The following EXOC4 variants were observed in gnomAD, a reference collection of about 807,000 sequenced individuals.
The protein encoded by EXOC4 is SEC8-like 1.
Under a neutral mutation model 107.2 loss-of-function variants are expected in EXOC4, and 71 were observed. That is an observed-to-expected ratio of 0.66 (90% CI 0.55 to 0.81). The LOEUF (loss-of-function observed/expected upper bound fraction) is 0.81. Among genes scored for constraint, EXOC4 ranks in the 30% least tolerant of loss-of-function variants. The pLI, the probability that EXOC4 is intolerant of heterozygous loss-of-function variation, is 0.00. For missense variants in EXOC4, 1,108 were observed against 1,189.6 expected (o/e 0.93, Z 1.01); for synonymous variants, 456 against 441.2 (o/e 1.03, Z -0.42).
At chr7:133,274,165 T>C (rs947090498) in intron 1 of EXOC4, among the ~76,000 whole-genome samples, 2 of 152,240 alleles carry the variant, frequency 1.3e-5, no homozygotes, top group Non-Finnish European at 2.9e-5. Context: ...CGAAGACTAG[T>C]AAATGCGGGA....
At chr7:133,599,679 A>C (rs1043054877) in intron 9 of EXOC4, among the ~76,000 whole-genome samples, 3 of 152,118 alleles carry the variant, frequency 2.0e-5, no homozygotes, top group African/African-American at 7.2e-5. Flanking sequence ...GCAGAGACCA[A>C]ACCTTTTATT....
intron 9 of EXOC4, among the ~76,000 whole-genome samples, chr7:133,577,136 A>G (rs1166375235): frequency 6.6e-6 from 1 of 152,214 alleles, no homozygotes; most frequent in Non-Finnish European, 1.5e-5. Context: ...GCCGGAACAG[A>G]CTTTTATTAA....
intron 7 of EXOC4, among the ~76,000 whole-genome samples, chr7:133,382,849 C>T (rs562077409): frequency 2.8e-4 from 42 of 152,182 alleles, no homozygotes; most frequent in African/African-American, 9.4e-4. Flanking sequence ...TTGGGCTTTC[C>T]CTGGCAGCCA....
intron 12 of EXOC4, among the ~76,000 whole-genome samples, chr7:133,914,813 C>T (rs1799769361): frequency 6.6e-6 from 1 of 152,106 alleles, no homozygotes; most frequent in Non-Finnish European, 1.5e-5. Flanking sequence ...TAGCAGACCA[C>T]ATGAGGAAAT....
rs573157975 is a variant in EXOC4 at position 133,609,480 on chromosome 7, C to T, written c.1418-20565C>T. Among the ~76,000 whole-genome samples the T allele has an allele frequency of 7.2e-5, 11 of 152,220 alleles. No homozygotes were observed. The South Asian group carries it at 8.3e-4, about 11-fold the overall frequency. On this transcript the variant is annotated intron_variant, in intron 9 of 17. Coordinates refer to ENST00000253861, the MANE Select transcript of EXOC4 (RefSeq NM_021807.4). Reference sequence around the variant, plus strand: ...CTATGTGGCAATTGCCCTCTTCTCTCGATTGTGTGATAAGCACAGGGAATA... The same window carrying T: ...CTATGTGGCAATTGCCCTCTTCTCTTGATTGTGTGATAAGCACAGGGAATA...
chr7:133,802,777 G>A lies in EXOC4; in HGVS notation c.1515-14548G>A, dbSNP rs1585156906. On this transcript the variant is annotated intron_variant, in intron 10 of 17. Coordinates refer to ENST00000253861, the MANE Select transcript of EXOC4 (RefSeq NM_021807.4). ...CAGGAGTATTGCTTGGACCCGGGAG[G>A]CGGAGAGTTGCAGTGAGCCAAGATC... Among the ~76,000 whole-genome samples, 3 of 482 alleles carry A rather than the reference G, an allele frequency of 6.2e-3. No individual in the cohort carries two copies. In the East Asian group the frequency reaches 0.21, roughly 34 times the overall value. The allele number at this position is 482 out of a possible 152,430, so 0.3% of individuals were successfully genotyped here. A position where few individuals can be genotyped will look rare whatever the true frequency, so the allele number is the denominator to read the frequency against.
chr7:133,657,447 G>A (rs575347534), intron 10 of EXOC4, among the ~76,000 whole-genome samples: 5 of 152,070 alleles, frequency 3.3e-5, no homozygotes, highest in Admixed American at 2.6e-4. Flanking sequence ...TACTAAAGAG[G>A]GTCATTATAC....
At chr7:133,265,194 T>C (rs1277519468) in intron 1 of EXOC4, among the ~76,000 whole-genome samples, 1 of 152,062 alleles carries the variant, frequency 6.6e-6, no homozygotes, top group Admixed American at 6.6e-5. Flanking sequence ...CATCTCGGAG[T>C]GAGGTTCTGA....
At chr7:134,011,591 A>C (rs1794764255) in intron 17 of EXOC4, among the ~76,000 whole-genome samples, 1 of 151,754 alleles carries the variant, frequency 6.6e-6, no homozygotes, top group African/African-American at 2.4e-5. Flanking sequence ...GTAGGGCGAA[A>C]AATTGTAACA....
intron 12 of EXOC4, among the ~76,000 whole-genome samples, chr7:133,905,897 C>T (rs561461984): frequency 2.6e-5 from 4 of 152,248 alleles, no homozygotes; most frequent in African/African-American, 9.6e-5. Context: ...GGCTAGGCAG[C>T]TTGTTGACCC....
chr7:133,778,682 C>T (rs764026374), intron 10 of EXOC4, among the ~76,000 whole-genome samples: 1 of 152,204 alleles, frequency 6.6e-6, no homozygotes, highest in Non-Finnish European at 1.5e-5. Flanking sequence ...AAGTTAGCAT[C>T]GTCTAACCAA....
intron 7 of EXOC4, among the ~76,000 whole-genome samples, chr7:133,397,237 C>T (rs932344272): frequency 1.3e-5 from 2 of 151,486 alleles, no homozygotes; most frequent in Non-Finnish European, 2.9e-5. Flanking sequence ...TCAAGCGATT[C>T]TCCTGCTTCA....
chr7:134,018,453 T>A (rs1794958124), intron 17 of EXOC4, among the ~76,000 whole-genome samples: 1 of 152,080 alleles, frequency 6.6e-6, no homozygotes. Flanking sequence ...TCCCACCTCC[T>A]GCTTTACTGA....
Position 133,597,660 on chromosome 7 carries a change from G to A in EXOC4, c.1418-32385G>A, listed in dbSNP as rs1020111198. Among the ~76,000 whole-genome samples the A allele has an allele frequency of 4.0e-5, 6 of 151,588 alleles. No individual in the cohort carries two copies. In the South Asian group the frequency reaches 6.2e-4, roughly 16 times the overall value. ...TATACAGTGGTCCAAAATGGTGGCC[G>A]TTGCAGCTACTGAATGGAGAAAGGA... is the stretch of plus-strand genomic sequence containing the variant. On this transcript the variant is annotated intron_variant, in intron 9 of 17. Coordinates refer to ENST00000253861, the MANE Select transcript of EXOC4 (RefSeq NM_021807.4).
At chr7:133,462,810 A>G (rs1189727834) in intron 7 of EXOC4, among the ~76,000 whole-genome samples, 1 of 152,236 alleles carries the variant, frequency 6.6e-6, no homozygotes, top group Non-Finnish European at 1.5e-5. Context: ...GAGTTATTTA[A>G]GAAACAGGAA....
intron 9 of EXOC4, among the ~76,000 whole-genome samples, chr7:133,528,645 G>T (rs561773108): frequency 6.6e-6 from 1 of 152,190 alleles, no homozygotes; most frequent in African/African-American, 2.4e-5. Flanking sequence ...AGTGCTCAGA[G>T]TGAGAGAATA....
intron 7 of EXOC4, among the ~76,000 whole-genome samples, chr7:133,397,056 A>G (rs10281827): frequency 0.29 from 43,848 of 152,004 alleles, 6,583 homozygotes; most frequent in South Asian, 0.41. Context: ...GAGCTGGTCC[A>G]GACAAAGCCC....
In EXOC4 at chr7:133,745,844, T is replaced by A. The variant is rs752979763; in HGVS notation, c.1515-71481T>A. 1.2e-3 allele frequency among the ~76,000 whole-genome samples: 181 copies of A among 152,092 alleles called. 1 individual carries two copies. Among genetic ancestry groups the A allele is most frequent in the Non-Finnish European group, 1.6e-3 (108 of 67,958 alleles). On this transcript the variant is annotated intron_variant, in intron 10 of 17. Coordinates refer to ENST00000253861, the MANE Select transcript of EXOC4 (RefSeq NM_021807.4). ...AAATGAGAAAGGACTCAAGTCAATC[T>A]TTTTCTACCATTATATATTGTGTCT...
intron 10 of EXOC4, among the ~76,000 whole-genome samples, chr7:133,717,092 A>G (rs1795013264): frequency 1.3e-5 from 2 of 152,214 alleles, no homozygotes; most frequent in Admixed American, 6.5e-5. Context: ...AAAAATTGGT[A>G]TCCCGAATAG....
Sources: gnomAD v4.1 joint callset for allele counts (sites outside exome capture counted in the v4.1 genomes callset) on GRCh38, gnomAD v4.1.1 for gene constraint, MANE v1.5 for transcripts, NCBI Gene and HGNC (gene_info 2026-07-23, HGNC 2026-07-21) for gene names.